The following EYS variants were observed in gnomAD, a reference collection of about 807,000 sequenced individuals.
EYS encodes the protein protein eyes shut homolog.
Under a neutral mutation model 282.1 loss-of-function variants are expected in EYS, and 250 were observed. The observed-to-expected ratio is 0.89, with a 90% CI of 0.80 to 0.98. EYS has a LOEUF of 0.98. Ranked by LOEUF, EYS falls within the 50% of genes least tolerant of loss-of-function variation. The pLI, the probability that EYS is intolerant of heterozygous loss-of-function variation, is 0.00. For synonymous variants in EYS, 1,355 were observed against 1,282.9 expected, an observed-to-expected ratio of 1.06 and a Z score of -1.20; for missense variants, 4,016 against 3,709.0, an observed-to-expected ratio of 1.08 and a Z score of -2.15.
At chr6:64,004,901 T>C (rs147563835) in intron 33 of EYS, among the ~76,000 whole-genome samples, 24 of 152,322 alleles carry the variant, frequency 1.6e-4, no homozygotes, top group East Asian at 5.8e-4. Context: ...CCTTTCCTAT[T>C]GTGAATAGTG....
intron 26 of EYS, among the ~76,000 whole-genome samples, chr6:64,497,423 A>G (rs1776924166): frequency 6.6e-6 from 1 of 152,174 alleles, no homozygotes; most frequent in Non-Finnish European, 1.5e-5. Flanking sequence ...GAAGAATTTC[A>G]TAATGCATTC....
intron 19 of EYS, among the ~76,000 whole-genome samples, chr6:64,872,187 C>T (rs1347705083): frequency 6.6e-6 from 1 of 151,984 alleles, no homozygotes; most frequent in African/African-American, 2.4e-5. Context: ...AATGACTCCT[C>T]ATAGCCAGCC....
chr6:65,040,641 T>C (rs1772905658), intron 13 of EYS, among the ~76,000 whole-genome samples: 1 of 151,642 alleles, frequency 6.6e-6, no homozygotes, highest in Non-Finnish European at 1.5e-5. Flanking sequence ...CTTTTATTCC[T>C]CCAGTCCTGA....
intron 8 of EYS, among the ~76,000 whole-genome samples, chr6:65,361,829 C>T (rs952143484): frequency 2.0e-5 from 3 of 151,958 alleles, no homozygotes; most frequent in African/African-American, 7.3e-5. Context: ...ATGTTTCCCT[C>T]CAAAAATAAC....
chr6:65,012,691 G>C (rs1321367918), intron 13 of EYS, among the ~76,000 whole-genome samples: 1 of 151,832 alleles, frequency 6.6e-6, no homozygotes, highest in Non-Finnish European at 1.5e-5. Context: ...AGAAGCTGCT[G>C]AGGATATCAG....
chr6:65,120,088 C>T (rs1231085999), intron 12 of EYS, among the ~76,000 whole-genome samples: 1 of 135,266 alleles, frequency 7.4e-6, no homozygotes, highest in Non-Finnish European at 1.6e-5. Context: ...GCAGGCAGAG[C>T]TTGCAGTGAG....
intron 12 of EYS, among the ~76,000 whole-genome samples, chr6:65,102,177 C>T (rs913691223): frequency 1.2e-4 from 18 of 151,402 alleles, no homozygotes; most frequent in Non-Finnish European, 2.1e-4. Flanking sequence ...GCAAATAGCA[C>T]TTGTAAGATT....
chr6:65,199,173 A>G lies in EYS; in HGVS notation c.2023+96690T>C, dbSNP rs887775992. ...CTTTCATGTTACTGCTGTTAAAACAATTTTATCAGAATCCTCAGTTTTTAT... is the reference window on the plus strand; with the variant it reads ...CTTTCATGTTACTGCTGTTAAAACAGTTTTATCAGAATCCTCAGTTTTTAT... On this transcript the variant is annotated intron_variant, in intron 12 of 42. Transcript: ENST00000503581. 4.6e-5 allele frequency among the ~76,000 whole-genome samples: 7 copies of G among 152,148 alleles called. No homozygotes were observed. The South Asian group carries it at 1.4e-3, about 31-fold the overall frequency.
chr6:65,078,891 G>A (rs746149414), intron 12 of EYS, among the ~76,000 whole-genome samples: 51 of 151,420 alleles, frequency 3.4e-4, no homozygotes, highest in South Asian at 8.4e-4. Context: ...TTTAATGTGT[G>A]GAACCTCCCC....
At chr6:64,894,518 A>G (rs1767392723) in intron 18 of EYS, among the ~76,000 whole-genome samples, 1 of 152,178 alleles carries the variant, frequency 6.6e-6, no homozygotes, top group South Asian at 2.1e-4. Flanking sequence ...TCTGGAGGAC[A>G]GAGACATAAT....
chr6:64,149,443 G>A (rs1001864429), intron 31 of EYS, among the ~76,000 whole-genome samples: 3 of 152,182 alleles, frequency 2.0e-5, no homozygotes, highest in Non-Finnish European at 4.4e-5. Context: ...TGGTGGTCAA[G>A]TGCTGCAGGA....
At chr6:65,602,909 A>G (rs1054552069) in intron 2 of EYS, among the ~76,000 whole-genome samples, 3 of 151,992 alleles carry the variant, frequency 2.0e-5, no homozygotes, top group Non-Finnish European at 4.4e-5. Context: ...CTGTCAGAGT[A>G]GCCTTTGCTC....
intron 19 of EYS, among the ~76,000 whole-genome samples, chr6:64,846,922 C>G (rs1765733455): frequency 6.6e-6 from 1 of 152,048 alleles, no homozygotes; most frequent in South Asian, 2.1e-4. Context: ...ACCTGGTTAA[C>G]AACTATTTCT....
chr6:63,857,302 T>G (rs1772420178), intron 36 of EYS: 2 of 153,008 alleles, frequency 1.3e-5, no homozygotes, highest in Non-Finnish European at 2.9e-5. Context: ...CTCTAACACT[T>G]CTGCTTACAT....
chr6:64,460,458 C>T (rs1191580348), intron 26 of EYS, among the ~76,000 whole-genome samples: 3 of 152,188 alleles, frequency 2.0e-5, no homozygotes, highest in Admixed American at 1.3e-4. Context: ...AATTAACACA[C>T]ATTGGAAAAT....
intron 28 of EYS, among the ~76,000 whole-genome samples, chr6:64,433,779 AAAG>A (rs1260845723): frequency 6.6e-6 from 1 of 152,008 alleles, no homozygotes; most frequent in Non-Finnish European, 1.5e-5. Flanking sequence ...TGTTTCTTTT[AAAG>A]AAGACTAGTG....
At chr6:64,129,917 T>G (rs1478665218) in intron 31 of EYS, among the ~76,000 whole-genome samples, 1 of 152,192 alleles carries the variant, frequency 6.6e-6, no homozygotes, top group African/African-American at 2.4e-5. Flanking sequence ...TTCTGTCAGG[T>G]TTGCCAAAGA....
At chr6:65,655,819 G>T (rs763460238) in intron 1 of EYS, among the ~76,000 whole-genome samples, 1 of 151,810 alleles carries the variant, frequency 6.6e-6, no homozygotes, top group African/African-American at 2.4e-5. Context: ...TATTCCTGGC[G>T]AAGATGCTGT....
At chr6:64,323,418 C>T (rs967735291) in intron 29 of EYS, among the ~76,000 whole-genome samples, 6 of 152,020 alleles carry the variant, frequency 3.9e-5, no homozygotes, top group African/African-American at 7.2e-5. Flanking sequence ...ATCTATACAT[C>T]GCTTGATTCG....
Sources: gnomAD v4.1 joint callset for allele counts (sites outside exome capture counted in the v4.1 genomes callset) on GRCh38, gnomAD v4.1.1 for gene constraint, MANE v1.5 for transcripts, NCBI Gene and HGNC (gene_info 2026-07-23, HGNC 2026-07-21) for gene names.